FGD3: variants seen among roughly 807,000 people sequenced by gnomAD.
The protein encoded by FGD3 is FYVE, RhoGEF and PH domain-containing protein 3.
FGD3 carries 45 observed loss-of-function variants against 71.8 expected under a neutral mutation model. The observed-to-expected ratio is 0.63, with a 90% confidence interval of 0.49 to 0.80. The LOEUF is 0.80. Among genes scored for constraint, FGD3 ranks in the 30% least tolerant of loss-of-function variants. The pLI is 0.00. For missense variants in FGD3, 844 were observed against 951.5 expected, an observed-to-expected ratio of 0.89 and a Z score of 1.49; for synonymous variants, 378 against 392.8, an observed-to-expected ratio of 0.96 and a Z score of 0.44.
At chr9:92,973,106 ATTTTTTT>A (rs59046376) in intron 1 of FGD3, among the ~76,000 whole-genome samples, 4 of 87,148 alleles carry the variant, frequency 4.6e-5, no homozygotes, top group South Asian at 3.9e-4. Flanking sequence ...ATGCCTGGTA[ATTTTTTT>A]TTTTTTTTTT....
At position 93,035,744 on chromosome 9, in the gene FGD3, GC is replaced by G; in HGVS notation, c.*158del. On this transcript the variant is annotated 3_prime_UTR_variant, in exon 18 of 18. Transcript: ENST00000375482. ...TGGCTTTGGGGGGAAGGAAACTGAGGCCCAGAGAGGGGCAACCACTGGCCAA... is the reference window on the plus strand; with the variant it reads ...TGGCTTTGGGGGGAAGGAAACTGAGGCCAGAGAGGGGCAACCACTGGCCAA... The G allele has an allele frequency of 8.5e-7, 1 of 1,176,922 alleles. No individual in the cohort carries two copies. The highest frequency in any genetic ancestry group is 1.1e-6 in the Non-Finnish European group (1 of 875,716). The allele number at this position is 1,176,922 out of a possible 1,614,324, so 72.9% of individuals were successfully genotyped here.
At chr9:93,012,687 C>CGGGGCGGG (rs1279341124) in intron 8 of FGD3, among the ~76,000 whole-genome samples, 2 of 59,050 alleles carry the variant, frequency 3.4e-5, no homozygotes, top group African/African-American at 2.3e-4. Context: ...TGGGCGGTGG[C>CGGGGCGGG]GGGGTGTGGG....
intron 3 of FGD3, among the ~76,000 whole-genome samples, chr9:92,993,160 G>A (rs1860488219): frequency 6.6e-6 from 1 of 152,086 alleles, no homozygotes; most frequent in Non-Finnish European, 1.5e-5. Context: ...TTTGGTACAA[G>A]GTCTCACTAT....
intron 1 of FGD3, among the ~76,000 whole-genome samples, chr9:92,951,361 G>A (rs1344709993): frequency 6.6e-6 from 1 of 152,122 alleles, no homozygotes; most frequent in African/African-American, 2.4e-5. Context: ...TGTGTCTTAC[G>A]TGGAACTTGT....
At chr9:93,005,914 C>T (rs377090415) in intron 5 of FGD3, 110 bp from the exon 6 acceptor site, 8 of 1,246,472 alleles carry the variant, frequency 6.4e-6, no homozygotes, top group African/African-American at 3.0e-5. Context: ...TGCTCACCAT[C>T]ACACAGAGCT....
chr9:92,998,055 G>A lies in FGD3; in HGVS notation c.454-4870G>A, dbSNP rs528718050. On this transcript the variant is annotated intron_variant, in intron 3 of 17. Coordinates refer to ENST00000375482, the MANE Select transcript of FGD3 (RefSeq NM_001083536.2). Reference sequence around the variant, plus strand: ...GCGAAGTTCTCCTGGATAATATCCTGCAGAGTGTTTTCCAACTTGGTTCCA... The same window carrying A: ...GCGAAGTTCTCCTGGATAATATCCTACAGAGTGTTTTCCAACTTGGTTCCA... 9.1e-4 allele frequency among the ~76,000 whole-genome samples: 139 copies of A among 152,320 alleles called. 1 individual carries two copies. The Middle Eastern group carries it at 0.01, about 11-fold the overall frequency.
chr9:93,027,900 G>A (rs1862179655), intron 14 of FGD3, among the ~76,000 whole-genome samples: 1 of 151,370 alleles, frequency 6.6e-6, no homozygotes, highest in African/African-American at 2.4e-5. Flanking sequence ...TTGGATTTTT[G>A]TTGAGACGGG....
chr9:93,032,969 C>T lies in FGD3; in HGVS notation c.1785+96C>T, dbSNP rs34081150. On this transcript the variant is annotated intron_variant, in intron 16 of 17. Coordinates refer to ENST00000375482, the MANE Select transcript of FGD3 (RefSeq NM_001083536.2). ...CAGCAGCTCCAGCTGCCTCTGCTTT[C>T]GGAGTGTCCCTGGGACCAGGATAGA... 3,233 of 1,190,244 alleles carry T rather than the reference C, an allele frequency of 2.7e-3. 66 individuals are homozygous for T. The African/African-American group carries it at 0.041, about 15-fold the overall frequency. The allele number at this position is 1,190,244 out of a possible 1,614,324, so 73.7% of individuals were successfully genotyped here. A position where few individuals can be genotyped will look rare whatever the true frequency, so the allele number is the denominator to read the frequency against.
At chr9:93,004,162 T>C (rs540510551) in intron 5 of FGD3, 25 bp downstream of exon 5, 5 of 1,611,634 alleles carry the variant, frequency 3.1e-6, no homozygotes, top group African/African-American at 2.7e-5. Flanking sequence ...CGCATGCCCA[T>C]GGGGCCCCTC....
rs148436288 is a variant in FGD3 at position 92,954,348 on chromosome 9, G to A, written c.-218+6619G>A. 5.1e-3 allele frequency among the ~76,000 whole-genome samples: 770 copies of A among 152,312 alleles called. 6 individuals are homozygous for A. Among genetic ancestry groups the A allele is most frequent in the African/African-American group, 0.018 (728 of 41,554 alleles). ...TTTGTGGCTTTCCCCTGTCTTGTCA[G>A]AAGAATGAGAGTAACTCAACATGGG... On this transcript the variant is annotated intron_variant, in intron 1 of 17. Coordinates refer to ENST00000375482, the MANE Select transcript of FGD3 (RefSeq NM_001083536.2).
chr9:93,035,284 G>A (rs1862550326), intron 17 of FGD3, 54 bp from the exon 18 acceptor site: 5 of 1,570,274 alleles, frequency 3.2e-6, no homozygotes, highest in Non-Finnish European at 4.3e-6. Context: ...TCACTGAGGT[G>A]AGCCCGAGGC....
intron 6 of FGD3, 38 bp from the exon 7 acceptor site, chr9:93,010,206 CGT>C: frequency 6.4e-7 from 1 of 1,565,398 alleles, no homozygotes; most frequent in Non-Finnish European, 8.7e-7. Flanking sequence ...CATCCACACA[CGT>C]GTCCTTGGAG....
At chr9:92,977,072 G>A (rs148322856) in intron 3 of FGD3, among the ~76,000 whole-genome samples, 59 of 152,320 alleles carry the variant, frequency 3.9e-4, no homozygotes, top group Middle Eastern at 3.4e-3. Context: ...GAAACTCCTG[G>A]GAGGAGACGA....
At chr9:92,982,484 C>T (rs1860033114) in intron 3 of FGD3, among the ~76,000 whole-genome samples, 1 of 152,122 alleles carries the variant, frequency 6.6e-6, no homozygotes, top group Non-Finnish European at 1.5e-5. Context: ...GAGTTCCCTT[C>T]CTTTGGATAA....
chr9:93,021,204 G>A (rs1861905473), intron 13 of FGD3, among the ~76,000 whole-genome samples: 1 of 152,212 alleles, frequency 6.6e-6, no homozygotes, highest in Non-Finnish European at 1.5e-5. Context: ...TGCCCTGGGA[G>A]ATGGTGGCTC....
chr9:93,020,263 G>A, intron 12 of FGD3, 54 bp from the exon 13 acceptor site: 5 of 1,522,610 alleles, frequency 3.3e-6, no homozygotes, highest in Non-Finnish European at 4.5e-6. Context: ...CCTCCTGTGG[G>A]TAGCATCCTC....
In FGD3 at chr9:92,976,693, A is replaced by G. The variant is rs1474907886; in HGVS notation, c.437A>G (p.Asp146Gly). 1 of 1,590,834 alleles carries G rather than the reference A, an allele frequency of 6.3e-7. No homozygotes were observed. Among genetic ancestry groups the G allele is most frequent in the Non-Finnish European group, 8.6e-7 (1 of 1,167,170 alleles). Reference sequence around the variant, plus strand: ...AACACCCCCCAGAAGGCTGACAAGGATGCCGGCCTGGCCCAGGTAGGCTTC... The same window carrying G: ...AACACCCCCCAGAAGGCTGACAAGGGTGCCGGCCTGGCCCAGGTAGGCTTC... The part of the protein sequence containing the change: ...SENTPQKADK[D>G]AGLAQHSGPQ... The change falls in exon 3 of 18, where the codon GAT becomes GGT. Residue 146 changes from aspartate to glycine, a missense_variant. Transcript: ENST00000375482.
chr9:93,021,647 CT>C (rs1234058073), intron 13 of FGD3, among the ~76,000 whole-genome samples: 2 of 152,174 alleles, frequency 1.3e-5, no homozygotes, highest in Non-Finnish European at 2.9e-5. Flanking sequence ...CTCTCGCCGC[CT>C]GACCCAGACC....
Position 93,003,122 on chromosome 9 carries a change from G to A in FGD3, c.543+108G>A. On this transcript the variant is annotated intron_variant, in intron 4 of 17. Transcript: ENST00000375482. The surrounding 1 kb of genome is among the most constrained non-coding windows in gnomAD (Gnocchi z 4.1). ...CTAAAACTCAGACAAATTTAAGTCTGGTCTACAAACTTTTTTTTTTTTTTG... is the reference window on the plus strand; with the variant it reads ...CTAAAACTCAGACAAATTTAAGTCTAGTCTACAAACTTTTTTTTTTTTTTG... 1 of 1,112,546 alleles carries A rather than the reference G, an allele frequency of 9.0e-7. No individual in the cohort carries two copies. The highest frequency in any genetic ancestry group is 1.3e-6 in the Non-Finnish European group (1 of 772,812). 68.9% of individuals were successfully genotyped at this position (1,112,546 alleles called of 1,614,324 possible). A position where few individuals can be genotyped will look rare whatever the true frequency, so the allele number is the denominator to read the frequency against.
Sources: allele counts gnomAD v4.1 joint callset (sites outside exome capture counted in the v4.1 genomes callset), GRCh38; gene constraint gnomAD v4.1.1; non-coding constraint Gnocchi (gnomAD v3.1); transcripts MANE v1.5; gene names NCBI Gene and HGNC (gene_info 2026-07-23, HGNC 2026-07-21).